Variants in SMIM9 observed in about 807,000 individuals in gnomAD.
The protein encoded by SMIM9 is small integral membrane protein 9, also known as chromosome X open reading frame 68.
A neutral mutation model predicts 7.2 loss-of-function variants in SMIM9; 8 were observed. The observed-to-expected ratio is 1.10, with a 90% CI of 0.65 to 1.99. The LOEUF is 1.99. Among genes scored for constraint, SMIM9 ranks in the 30% most tolerant of loss-of-function variants. The pLI, the probability that SMIM9 is intolerant of heterozygous loss-of-function variation, is 0.00. For missense variants in SMIM9, 76 were observed against 69.3 expected (o/e 1.10, Z -0.34); for synonymous variants, 19 against 26.4 (o/e 0.72, Z 0.86).
intron 4 of SMIM9, among the ~76,000 whole-genome samples, chrX:154,829,198 GCT>G (rs2072433840): frequency 8.9e-6 from 1 of 111,929 alleles, no homozygotes; most frequent in Admixed American, 9.5e-5. Context: ...TGAGAGCACA[GCT>G]AATTATTTAT....
chrX:154,824,218 G>A (rs993651908), intron 4 of SMIM9, among the ~76,000 whole-genome samples: 40 of 109,199 alleles, frequency 3.7e-4, no homozygotes, highest in African/African-American at 1.2e-3. Context: ...TTAGCCTGGC[G>A]TGGTGGCGGG....
In SMIM9 at chrX:154,830,845, C is replaced by A; in HGVS notation, c.12G>T (p.Gln4His). 1 of 1,167,079 alleles carries A rather than the reference C, an allele frequency of 8.6e-7. No individual in the cohort carries two copies. The highest frequency in any genetic ancestry group is 1.1e-6 in the Non-Finnish European group (1 of 872,623). Residue 4 changes from glutamine to histidine, a missense_variant, in exon 3 of 5, where the codon CAG (glutamine) becomes CAT (histidine). Coordinates refer to ENST00000369529, the MANE Select transcript of SMIM9 (RefSeq NM_001162936.4). MEP[Q>H]KLLIIGFLLC... ...GCAGAAATCCAATTATCAGCAGCTT[C>A]TGGGGTTCCATGGACTCCCGCCTTC...
intron 1 of SMIM9, among the ~76,000 whole-genome samples, chrX:154,833,722 A>T (rs1267132934): frequency 1.9e-5 from 2 of 107,897 alleles, no homozygotes; most frequent in Non-Finnish European, 3.9e-5. Context: ...ACTTAAAGTA[A>T]AAAAAAAAAA....
rs1391494512 is a variant in SMIM9, at chrX:154,829,476, TCCCA to T, written c.272+55_272+58del. 5 of 1,142,195 alleles carry T rather than the reference TCCCA, an allele frequency of 4.4e-6. No individual in the cohort carries two copies. The African/African-American group carries it at 9.1e-5, about 21-fold the overall frequency. The allele number at this position is 1,142,195 out of a possible 1,213,427, so 94.1% of individuals were successfully genotyped here. On this transcript the variant is annotated intron_variant, in intron 4 of 4. Coordinates refer to ENST00000369529, the MANE Select transcript of SMIM9 (RefSeq NM_001162936.4). ...AGGCTGGTGAGCAACCTGTTTCTGT[TCCCA>T]CCCCCCTTCACATTCCCTCTCTCCT...
intron 1 of SMIM9, among the ~76,000 whole-genome samples, chrX:154,833,836 A>T (rs1258671093): frequency 8.9e-6 from 1 of 112,181 alleles, no homozygotes; most frequent in Non-Finnish European, 1.9e-5. Flanking sequence ...ACTGGCAAAA[A>T]TGGTATCTCA....
At chrX:154,829,806 G>A in intron 3 of SMIM9, 142 bp from the exon 4 acceptor site, 1 of 603,847 alleles carries the variant, frequency 1.7e-6, no homozygotes, top group Non-Finnish European at 2.5e-6. Flanking sequence ...AAACTACTTT[G>A]CTGTGCTGGC....
chrX:154,827,527 C>G (rs1472448686), intron 4 of SMIM9: 1 of 112,602 alleles, frequency 8.9e-6, no homozygotes, highest in African/African-American at 3.2e-5. Context: ...AGCATGGACA[C>G]ATGTGCAAGA....
Position 154,830,747 on chromosome X carries a change from T to C in SMIM9, c.110A>G (p.Gln37Arg). ...GCGTGGTTTCGATCCTGTTTTTTCT[T>C]GTATTCCCAAGGCAGACAAAGGCAA... ...SPLPLSALGI[Q>R]EKTGSKPRSG... Residue 37 changes from glutamine to arginine, a missense_variant, in exon 3 of 5, where the codon CAA becomes CGA. By Grantham distance (43) the Gln-to-Arg change is conservative. Transcript: ENST00000369529. 1 of 1,167,811 alleles carries C rather than the reference T, an allele frequency of 8.6e-7. No individual in the cohort carries two copies. Among genetic ancestry groups the C allele is most frequent in the Non-Finnish European group, 1.1e-6 (1 of 872,940 alleles).
intron 4 of SMIM9, among the ~76,000 whole-genome samples, chrX:154,826,330 T>G (rs1557270240): frequency 8.9e-6 from 1 of 112,083 alleles, no homozygotes. Flanking sequence ...ACTTTTTGTC[T>G]TTTACATTTT....
In SMIM9 at chrX:154,824,144, T is replaced by C. The variant is rs201920915; in HGVS notation, c.273-362A>G. On this transcript the variant is annotated intron_variant, in intron 4 of 4. Coordinates refer to ENST00000369529, the MANE Select transcript of SMIM9 (RefSeq NM_001162936.4). Reference sequence around the variant, plus strand: ...AGGCCGAGGCAGGCAGATCACGAGGTCAGGAGATCGAGACCATTCTGGCTA... The same window carrying C: ...AGGCCGAGGCAGGCAGATCACGAGGCCAGGAGATCGAGACCATTCTGGCTA... Among the ~76,000 whole-genome samples the C allele has an allele frequency of 2.7e-4, 29 of 108,921 alleles. 1 individual carries two copies. The East Asian group carries it at 7.5e-3, about 28-fold the overall frequency. The allele number at this position is 108,921 out of a possible 115,157, so 94.6% of individuals were successfully genotyped here.
chrX:154,830,407 A>G (rs1181235554), intron 3 of SMIM9, among the ~76,000 whole-genome samples: 1 of 110,696 alleles, frequency 9.0e-6, no homozygotes, highest in Non-Finnish European at 1.9e-5. Flanking sequence ...AACAATTTAA[A>G]TTATCCCCTT....
In SMIM9 at chrX:154,833,422, C is replaced by T. The variant is rs145497051; in HGVS notation, c.-209-739G>A. Among the ~76,000 whole-genome samples, 843 of 111,927 alleles carry T rather than the reference C, an allele frequency of 7.5e-3. 2 individuals carry two copies. The highest frequency in any genetic ancestry group is 0.012 in the Non-Finnish European group (631 of 53,124). On this transcript the variant is annotated intron_variant, in intron 1 of 4. Coordinates refer to ENST00000369529, the MANE Select transcript of SMIM9 (RefSeq NM_001162936.4). Reference sequence around the variant, plus strand: ...GGAGGATAGCTTGAGCCCAGGAGTTCGAGACCAGCCTGAGCAACATAGCGA... The same window carrying T: ...GGAGGATAGCTTGAGCCCAGGAGTTTGAGACCAGCCTGAGCAACATAGCGA...
intron 4 of SMIM9, among the ~76,000 whole-genome samples, chrX:154,828,112 G>A (rs2072429352): frequency 9.0e-6 from 1 of 111,484 alleles, no homozygotes; most frequent in African/African-American, 3.3e-5. Flanking sequence ...GCCAAATTCC[G>A]GTCTCCCTGT....
At chrX:154,829,911 G>A (rs1352767131) in intron 3 of SMIM9, among the ~76,000 whole-genome samples, 2 of 112,476 alleles carry the variant, frequency 1.8e-5, no homozygotes, top group Non-Finnish European at 1.9e-5. Context: ...AACAATAATT[G>A]TTGTTTCGGA....
At chrX:154,829,455 T>C in intron 4 of SMIM9, 80 bp downstream of exon 4, 1 of 1,077,593 alleles carries the variant, frequency 9.3e-7, no homozygotes, top group South Asian at 2.3e-5. Flanking sequence ...ATATGCAGGC[T>C]GGTGAGCAAC....
intron 4 of SMIM9, among the ~76,000 whole-genome samples, chrX:154,825,267 C>G (rs1392659718): frequency 6.3e-5 from 7 of 110,312 alleles, no homozygotes; most frequent in African/African-American, 2.3e-4. Flanking sequence ...TGACGCGTGC[C>G]TGTAATCCCA....
intron 4 of SMIM9, among the ~76,000 whole-genome samples, chrX:154,824,355 C>CAAAAAAAAAAAAAA (rs375492512): frequency 4.7e-5 from 2 of 42,448 alleles, no homozygotes; most frequent in Non-Finnish European, 4.2e-5. Flanking sequence ...GACTCCGTCT[C>CAAAAAAAAAAAAAA]AAAAAAAAAA....
chrX:154,824,266 A>G (rs986108188), intron 4 of SMIM9, among the ~76,000 whole-genome samples: 28 of 105,037 alleles, frequency 2.7e-4, no homozygotes, highest in African/African-American at 8.6e-4. Flanking sequence ...CTGAGGCAGG[A>G]GAATGGCGTG....
intron 4 of SMIM9, among the ~76,000 whole-genome samples, chrX:154,825,985 G>A (rs1302109186): frequency 9.2e-6 from 1 of 108,887 alleles, no homozygotes; most frequent in Non-Finnish European, 1.9e-5. Flanking sequence ...ACCAGTTAAT[G>A]GGTGCAGCAC....
Sources: gnomAD v4.1 joint callset for allele counts (sites outside exome capture counted in the v4.1 genomes callset) on GRCh38, gnomAD v4.1.1 for gene constraint, MANE v1.5 for transcripts, NCBI Gene and HGNC (gene_info 2026-07-23, HGNC 2026-07-21) for gene names.